Variants in LRRC49 observed in about 807,000 individuals in gnomAD.
The protein encoded by LRRC49 is leucine rich repeat containing 49.
LRRC49 carries 50 observed loss-of-function variants against 83.3 expected under a neutral mutation model. That is an observed-to-expected ratio of 0.60 (90% CI 0.48 to 0.76). The LOEUF (loss-of-function observed/expected upper bound fraction) is 0.76. LRRC49 is among the 30% of genes least tolerant of loss of function. The pLI, the probability that LRRC49 is intolerant of heterozygous loss-of-function variation, is 0.00. For missense variants in LRRC49, 704 were observed against 809.1 expected (o/e 0.87, Z 1.58); for synonymous variants, 286 against 283.3 (o/e 1.01, Z -0.10).
At chr15:70,871,783 C>T (rs1447706997) in intron 1 of LRRC49, among the ~76,000 whole-genome samples, 1 of 149,892 alleles carries the variant, frequency 6.7e-6, no homozygotes, top group Non-Finnish European at 1.5e-5. Flanking sequence ...AGAGGCTCTC[C>T]TCACATCCCA....
intron 7 of LRRC49, among the ~76,000 whole-genome samples, chr15:70,924,460 A>C (rs553793661): frequency 6.6e-6 from 1 of 152,066 alleles, no homozygotes; most frequent in South Asian, 2.1e-4. Flanking sequence ...GCTTACTCTT[A>C]GCATTTTAAA....
chr15:70,859,439 T>A, intron 1 of LRRC49: 1 of 729,146 alleles, frequency 1.4e-6, no homozygotes, highest in Non-Finnish European at 2.6e-6. Context: ...CTCGGACATA[T>A]CTGTGGTGCT....
At chr15:70,978,551 A>G (rs1286807277) in intron 9 of LRRC49, among the ~76,000 whole-genome samples, 1 of 152,222 alleles carries the variant, frequency 6.6e-6, no homozygotes, top group African/African-American at 2.4e-5. Context: ...AACAGCTTTT[A>G]TGAATAACCA....
chr15:70,888,780 C>A (rs1361136051), upstream of LRRC49, among the ~76,000 whole-genome samples: 2 of 152,076 alleles, frequency 1.3e-5, no homozygotes, highest in African/African-American at 4.8e-5. Flanking sequence ...GACAATCCAA[C>A]AGAAAAATGG....
At chr15:70,998,108 T>C (rs903940892) in intron 11 of LRRC49, among the ~76,000 whole-genome samples, 1 of 152,206 alleles carries the variant, frequency 6.6e-6, no homozygotes, top group African/African-American at 2.4e-5. Flanking sequence ...TACTCCCTTT[T>C]CTGTTACTAT....
chr15:70,984,067 C>G (rs1567082929), intron 10 of LRRC49, 27 bp from the exon 11 acceptor site: 5 of 1,601,126 alleles, frequency 3.1e-6, no homozygotes, highest in Non-Finnish European at 4.3e-6. Flanking sequence ...CATTATATAA[C>G]TTTTGTCACA....
At chr15:70,975,859 C>G (rs1237711950) in intron 9 of LRRC49, among the ~76,000 whole-genome samples, 2 of 151,708 alleles carry the variant, frequency 1.3e-5, no homozygotes, top group African/African-American at 4.8e-5. Context: ...TACTAATGTT[C>G]ACCAATATGC....
intron 14 of LRRC49, among the ~76,000 whole-genome samples, chr15:71,027,466 CTAAT>C (rs760629059): frequency 1.3e-5 from 2 of 152,198 alleles, no homozygotes; most frequent in South Asian, 4.1e-4. Context: ...GTACTTTTAT[CTAAT>C]TCTACAAGGA....
intron 12 of LRRC49, 136 bp from the exon 13 acceptor site, chr15:71,009,671 A>C (rs1178482032): frequency 2.3e-5 from 13 of 562,920 alleles, no homozygotes. Flanking sequence ...CAGTTGATTT[A>C]ATGTAATTGA....
chr15:70,936,687 A>C, intron 7 of LRRC49, 74 bp from the exon 8 acceptor site: 1 of 891,960 alleles, frequency 1.1e-6, no homozygotes, highest in Non-Finnish European at 1.8e-6. Flanking sequence ...ATATATTTCA[A>C]TAGCTTAGCA....
At chr15:70,932,291 T>C (rs2035436063) in intron 7 of LRRC49, among the ~76,000 whole-genome samples, 1 of 152,232 alleles carries the variant, frequency 6.6e-6, no homozygotes, top group African/African-American at 2.4e-5. Flanking sequence ...CAGCTATTAG[T>C]CCTCATATAA....
Position 71,049,810 on chromosome 15 carries a change from C to T in LRRC49, c.*198C>T, listed in dbSNP as rs2039966285. On this transcript the variant is annotated 3_prime_UTR_variant, in exon 16 of 16. Coordinates refer to ENST00000260382, the MANE Select transcript of LRRC49 (RefSeq NM_017691.5). Reference sequence around the variant, plus strand: ...AGCAGGAGAAAGGAAGGATTAATTGCCTGTATGTGAGGACCAAACAACCTT... The same window carrying T: ...AGCAGGAGAAAGGAAGGATTAATTGTCTGTATGTGAGGACCAAACAACCTT... The T allele has an allele frequency of 1.9e-6, 1 of 518,200 alleles. No individual in the cohort carries two copies. The highest frequency in any genetic ancestry group is 2.7e-5 in the South Asian group (1 of 37,614). 32.1% of individuals were successfully genotyped at this position (518,200 alleles called of 1,614,324 possible).
intron 15 of LRRC49, among the ~76,000 whole-genome samples, chr15:71,045,662 G>C (rs1051210114): frequency 2.0e-5 from 3 of 151,814 alleles, no homozygotes; most frequent in African/African-American, 7.3e-5. Flanking sequence ...ATAACATTAT[G>C]ATTTAAGCAT....
At chr15:70,860,534 C>T (rs1329775695) in intron 1 of LRRC49, among the ~76,000 whole-genome samples, 1 of 152,288 alleles carries the variant, frequency 6.6e-6, no homozygotes, top group East Asian at 1.9e-4. Flanking sequence ...CCTGCCTCAG[C>T]CTCCCAAGTA....
At chr15:70,976,747 C>T (rs1202517117) in intron 9 of LRRC49, among the ~76,000 whole-genome samples, 1 of 151,952 alleles carries the variant, frequency 6.6e-6, no homozygotes, top group African/African-American at 2.4e-5. Flanking sequence ...AAGGATATGG[C>T]TTTTGTCCCA....
chr15:70,956,687 G>A (rs972774634), intron 8 of LRRC49, among the ~76,000 whole-genome samples: 1 of 151,908 alleles, frequency 6.6e-6, no homozygotes, highest in Non-Finnish European at 1.5e-5. Flanking sequence ...TGTTTTATTT[G>A]GTTAGAGAAT....
chr15:71,043,893 T>TA (rs920767097), intron 15 of LRRC49, among the ~76,000 whole-genome samples: 2 of 152,190 alleles, frequency 1.3e-5, no homozygotes, highest in South Asian at 2.1e-4. Flanking sequence ...TAAATTATTA[T>TA]AAAAAATCTT....
intron 3 of LRRC49, among the ~76,000 whole-genome samples, chr15:70,897,974 T>C (rs2033906482): frequency 6.6e-6 from 1 of 152,208 alleles, no homozygotes; most frequent in Admixed American, 6.5e-5. Context: ...CTTAAGATAA[T>C]GATAAATCAC....
chr15:70,915,710 A>G (rs1479457110), intron 6 of LRRC49, among the ~76,000 whole-genome samples: 2 of 152,048 alleles, frequency 1.3e-5, no homozygotes, highest in African/African-American at 2.4e-5. Context: ...AAAATATTTT[A>G]CTCCATGTCT....
Sources: allele counts gnomAD v4.1 joint callset (sites outside exome capture counted in the v4.1 genomes callset), GRCh38; gene constraint gnomAD v4.1.1; transcripts MANE v1.5; gene names NCBI Gene and HGNC (gene_info 2026-07-23, HGNC 2026-07-21).